The following GABRB1 variants were observed in gnomAD, a reference collection of about 807,000 sequenced individuals.
GABRB1 encodes the protein gamma-aminobutyric acid receptor subunit beta-1.
In GABRB1, 17 loss-of-function variants were observed where a neutral mutation model predicts 51.6. That is an observed-to-expected ratio of 0.33 (90% CI 0.23 to 0.49). The LOEUF is 0.49. Ranked by LOEUF, GABRB1 falls within the 20% of genes least tolerant of loss-of-function variation. GABRB1 has a pLI of 0.99. For synonymous variants in GABRB1, 247 were observed against 218.9 expected (o/e 1.13, Z -1.14); for missense variants, 410 against 600.6 (o/e 0.68, Z 3.32).
chr4:47,145,313 T>C (rs775610826), intron 3 of GABRB1, among the ~76,000 whole-genome samples: 11 of 152,026 alleles, frequency 7.2e-5, no homozygotes, highest in Admixed American at 5.9e-4. Flanking sequence ...TCCTGGGATA[T>C]AAATTGGTAA....
At chr4:47,344,517 C>T (rs1407895418) in intron 5 of GABRB1, among the ~76,000 whole-genome samples, 1 of 152,094 alleles carries the variant, frequency 6.6e-6, no homozygotes, top group Non-Finnish European at 1.5e-5. Context: ...TATAGAAAGT[C>T]ATGTATAACT....
intron 5 of GABRB1, among the ~76,000 whole-genome samples, chr4:47,345,174 A>G (rs1726045863): frequency 6.6e-6 from 1 of 152,220 alleles, no homozygotes; most frequent in Non-Finnish European, 1.5e-5. Flanking sequence ...TAGAATTGGC[A>G]TCAAATAATC....
intron 5 of GABRB1, among the ~76,000 whole-genome samples, chr4:47,343,983 G>A (rs1050283093): frequency 2.0e-5 from 3 of 152,096 alleles, no homozygotes; most frequent in African/African-American, 7.2e-5. Context: ...GTACAACATA[G>A]ACTGTCAGCT....
chr4:47,398,783 T>TGTTTG (rs1332213204), intron 5 of GABRB1, among the ~76,000 whole-genome samples: 2 of 148,072 alleles, frequency 1.4e-5, no homozygotes, highest in African/African-American at 5.1e-5. Context: ...GTTTTTTGTT[T>TGTTTG]GTTTGTTTTG....
At chr4:47,098,618 T>C (rs112988391) in intron 3 of GABRB1, among the ~76,000 whole-genome samples, 4,684 of 152,248 alleles carry the variant, frequency 0.031, 91 homozygotes, top group Non-Finnish European at 0.048. Context: ...TTAATATCCA[T>C]TATCTCATAT....
chr4:47,372,146 T>G (rs558707038), intron 5 of GABRB1, among the ~76,000 whole-genome samples: 1 of 152,340 alleles, frequency 6.6e-6, no homozygotes, highest in East Asian at 1.9e-4. Context: ...GTTTGAATTT[T>G]CTGCATATGG....
intron 1 of GABRB1, among the ~76,000 whole-genome samples, chr4:47,008,680 T>C (rs1319620290): frequency 7.0e-6 from 1 of 142,364 alleles, no homozygotes; most frequent in East Asian, 2.1e-4. Context: ...GGTTTCACCA[T>C]GTTGGCCAGG....
At chr4:47,070,737 CTGAT>C (rs1727299422) in intron 3 of GABRB1, among the ~76,000 whole-genome samples, 2 of 152,168 alleles carry the variant, frequency 1.3e-5, no homozygotes, top group South Asian at 4.1e-4. Flanking sequence ...TTGCTGCTTA[CTGAT>C]TATCTCCTAA....
intron 3 of GABRB1, among the ~76,000 whole-genome samples, chr4:47,074,164 G>A (rs1252921182): frequency 6.6e-6 from 1 of 152,050 alleles, no homozygotes; most frequent in African/African-American, 2.4e-5. Flanking sequence ...AACAGTGAAT[G>A]CTTTTCATAT....
chr4:47,030,293 T>C (rs149797521), upstream of GABRB1, among the ~76,000 whole-genome samples: 746 of 152,318 alleles, frequency 4.9e-3, 5 homozygotes, highest in Middle Eastern at 0.014. Flanking sequence ...TGTAATGGAA[T>C]AAATTTTTCT....
chr4:47,010,009 T>G (rs1369598513), intron 1 of GABRB1, among the ~76,000 whole-genome samples: 1 of 152,236 alleles, frequency 6.6e-6, no homozygotes, highest in East Asian at 1.9e-4. Context: ...TGCAACTCTG[T>G]GCAGATAAAC....
intron 5 of GABRB1, among the ~76,000 whole-genome samples, chr4:47,362,495 A>T (rs1726844221): frequency 6.6e-6 from 1 of 152,156 alleles, no homozygotes; most frequent in Non-Finnish European, 1.5e-5. Flanking sequence ...CAAGTTATAA[A>T]ATTCGAGCAT....
chr4:47,132,325 C>T (rs1292990933), intron 3 of GABRB1, among the ~76,000 whole-genome samples: 1 of 152,000 alleles, frequency 6.6e-6, no homozygotes, highest in Non-Finnish European at 1.5e-5. Flanking sequence ...TGTTAAAACT[C>T]TCCAATGCCC....
intron 4 of GABRB1, among the ~76,000 whole-genome samples, chr4:47,226,033 AT>A (rs1425350159): frequency 2.6e-5 from 4 of 152,166 alleles, no homozygotes; most frequent in African/African-American, 4.8e-5. Flanking sequence ...CAATGCAAGG[AT>A]TATATCCATT....
intron 4 of GABRB1, among the ~76,000 whole-genome samples, chr4:47,222,671 A>G (rs572558156): frequency 2.0e-5 from 3 of 152,266 alleles, no homozygotes; most frequent in Non-Finnish European, 4.4e-5. Context: ...AAGCCACTCA[A>G]CTAGAAAACT....
intron 4 of GABRB1, among the ~76,000 whole-genome samples, chr4:47,312,204 C>T (rs1311294526): frequency 6.6e-6 from 1 of 151,980 alleles, no homozygotes; most frequent in African/African-American, 2.4e-5. Context: ...TTTACTACTC[C>T]AACATTTTGC....
chr4:47,261,589 A>G (rs1722438971), intron 4 of GABRB1, among the ~76,000 whole-genome samples: 1 of 152,158 alleles, frequency 6.6e-6, no homozygotes, highest in Non-Finnish European at 1.5e-5. Context: ...GGTAGGAAGA[A>G]TCAATATCGT....
At chr4:47,283,482 T>C (rs1723377985) in intron 4 of GABRB1, among the ~76,000 whole-genome samples, 1 of 139,580 alleles carries the variant, frequency 7.2e-6, no homozygotes, top group South Asian at 2.5e-4. Context: ...GCCTCCCAGG[T>C]TCACCCCATT....
chr4:47,401,827 T>G (rs1268604965), intron 5 of GABRB1, among the ~76,000 whole-genome samples: 3 of 36,076 alleles, frequency 8.3e-5, no homozygotes, highest in East Asian at 2.8e-4. Flanking sequence ...TATCTAGCTA[T>G]CTATCTATCT....
Sources: allele counts gnomAD v4.1 joint callset (sites outside exome capture counted in the v4.1 genomes callset), GRCh38; gene constraint gnomAD v4.1.1; transcripts MANE v1.5; gene names NCBI Gene and HGNC (gene_info 2026-07-23, HGNC 2026-07-21).